NSD1: variants seen among roughly 807,000 people sequenced by gnomAD.
The protein encoded by NSD1 is nuclear receptor binding SET domain protein 1.
Under a neutral mutation model 242.7 loss-of-function variants are expected in NSD1, and 26 were observed. That is an observed-to-expected ratio of 0.11 (90% CI 0.08 to 0.15). The LOEUF (loss-of-function observed/expected upper bound fraction) is 0.15. Ranked by LOEUF, NSD1 falls within the 10% of genes least tolerant of loss-of-function variation. The pLI is 1.00. For synonymous variants in NSD1, 1,106 were observed against 1,178.1 expected (o/e 0.94, Z 1.25); for missense variants, 2,495 against 3,272.8 (o/e 0.76, Z 5.80).
At chr5:177,158,227 A>G (rs1758295312) in intron 2 of NSD1, among the ~76,000 whole-genome samples, 1 of 146,602 alleles carries the variant, frequency 6.8e-6, no homozygotes, top group Non-Finnish European at 1.5e-5. Context: ...TTTAGCCTAT[A>G]TGGGTTCTAA....
At chr5:177,249,779 G>A (rs1270063621) in intron 11 of NSD1, among the ~76,000 whole-genome samples, 4 of 152,122 alleles carry the variant, frequency 2.6e-5, no homozygotes, top group East Asian at 1.9e-4. Flanking sequence ...GAGCCACCAC[G>A]CCCGGCCAGT....
intron 2 of NSD1, among the ~76,000 whole-genome samples, chr5:177,146,783 C>G (rs906310117): frequency 6.6e-6 from 1 of 151,760 alleles, no homozygotes; most frequent in Non-Finnish European, 1.5e-5. Context: ...GCGGCTGGAT[C>G]ACCTGAGGTC....
intron 16 of NSD1, among the ~76,000 whole-genome samples, chr5:177,270,932 A>G (rs1474217109): frequency 6.6e-6 from 1 of 152,196 alleles, no homozygotes; most frequent in African/African-American, 2.4e-5. Context: ...TGCTGTTAGT[A>G]CTAATACTTC....
chr5:177,292,325 G>C (rs554313851), intron 22 of NSD1, among the ~76,000 whole-genome samples, 167 bp downstream of exon 22: 4 of 152,236 alleles, frequency 2.6e-5, no homozygotes, highest in African/African-American at 7.2e-5. Flanking sequence ...CAAAGGCTTA[G>C]AATTCTTAGT....
At chr5:177,140,092 C>T (rs1490039038) in intron 2 of NSD1, among the ~76,000 whole-genome samples, 6 of 152,130 alleles carry the variant, frequency 3.9e-5, no homozygotes, top group Non-Finnish European at 7.4e-5. Context: ...CCTCTTGTCA[C>T]GAATTAGTAG....
intron 2 of NSD1, chr5:177,169,337 C>T (rs1476270644): frequency 6.4e-6 from 1 of 155,636 alleles, no homozygotes; most frequent in Non-Finnish European, 1.4e-5. Flanking sequence ...TGATGAGGCA[C>T]CCACTTATTG....
At position 177,300,182 on chromosome 5, in the gene NSD1, TTACTG is replaced by T. The variant is rs777935232; in HGVS notation, c.*4726_*4730del. On this transcript the variant is annotated 3_prime_UTR_variant, in exon 23 of 23. Coordinates refer to ENST00000439151, the MANE Select transcript of NSD1 (RefSeq NM_022455.5). ...AATTCTTTGTATATAGAAAAAAAAT[TTACTG>T]TAAAGTAAAGTTTAACTTTACTCAT... 5.8e-5 allele frequency: 13 copies of T among 224,764 alleles called. No homozygotes were observed. In the South Asian group the frequency reaches 1.1e-3, roughly 19 times the overall value. The allele number at this position is 224,764 out of a possible 1,614,324, so 13.9% of individuals were successfully genotyped here. A position where few individuals can be genotyped will look rare whatever the true frequency, so the allele number is the denominator to read the frequency against.
At chr5:177,200,124 A>C (rs1762405597) in intron 3 of NSD1, among the ~76,000 whole-genome samples, 1 of 151,820 alleles carries the variant, frequency 6.6e-6, no homozygotes. Flanking sequence ...GTTGAGATAG[A>C]GTCCTGCTCT....
intron 4 of NSD1, among the ~76,000 whole-genome samples, 172 bp downstream of exon 4, chr5:177,204,464 G>A (rs958285381): frequency 1.3e-5 from 2 of 152,094 alleles, no homozygotes; most frequent in African/African-American, 2.4e-5. Context: ...AGTGATTCTC[G>A]TGCTTCAGCC....
intron 18 of NSD1, 23 bp downstream of exon 18, chr5:177,280,857 T>TATA: frequency 6.2e-7 from 1 of 1,613,108 alleles, no homozygotes; most frequent in Non-Finnish European, 8.5e-7. Context: ...TAAATTACCA[T>TATA]ATACTTTCTC....
In NSD1 at chr5:177,299,653, T is replaced by A. The variant is rs1234296695; in HGVS notation, c.*4194T>A. The A allele has an allele frequency of 4.3e-6, 1 of 233,228 alleles. No individual in the cohort carries two copies. Among genetic ancestry groups the A allele is most frequent in the African/African-American group, 2.2e-5 (1 of 45,358 alleles). 14.4% of individuals were successfully genotyped at this position (233,228 alleles called of 1,614,324 possible). A position where few individuals can be genotyped will look rare whatever the true frequency, so the allele number is the denominator to read the frequency against. ...AACCTCGGAAGAAGTGTTTCGAGTT[T>A]AACATGCGCTGTTTCTGCTTATGTG... On this transcript the variant is annotated 3_prime_UTR_variant, in exon 23 of 23. Transcript: ENST00000439151.
At chr5:177,153,004 T>C (rs1274048249) in intron 2 of NSD1, among the ~76,000 whole-genome samples, 1 of 152,082 alleles carries the variant, frequency 6.6e-6, no homozygotes, top group Non-Finnish European at 1.5e-5. Context: ...ATATTTATTC[T>C]TTTTTCCTTT....
intron 9 of NSD1, among the ~76,000 whole-genome samples, chr5:177,245,925 C>T (rs1766248469): frequency 6.6e-6 from 1 of 151,388 alleles, no homozygotes; most frequent in Admixed American, 6.6e-5. Flanking sequence ...GCATGAGCCA[C>T]CCTGCCCAGC....
At chr5:177,292,673 C>T (rs1052242918) in intron 22 of NSD1, among the ~76,000 whole-genome samples, 1 of 152,174 alleles carries the variant, frequency 6.6e-6, no homozygotes, top group Non-Finnish European at 1.5e-5. Context: ...CAGTCTCCCC[C>T]CATGCAGAGT....
At position 177,135,328 on chromosome 5, in the gene NSD1, A is replaced by G. The variant is rs1432805481; in HGVS notation, c.225A>G (p.Leu75=). 2 of 1,612,794 alleles carry G rather than the reference A, an allele frequency of 1.2e-6. No individual in the cohort carries two copies. Among genetic ancestry groups the G allele is most frequent in the Non-Finnish European group, 1.7e-6 (2 of 1,178,914 alleles). ...CTTGTTACATTCCACTGCGGAGACT[A>G]CAGGATTTGGCCTCCATGATCAATG... is the stretch of plus-strand genomic sequence containing the variant. ...SPSCYIPLRR[L]QDLASMINVE... The change falls in exon 2 of 23, where the codon CTA becomes CTG. Residue 75 remains leucine (L), a synonymous_variant. Coordinates refer to ENST00000439151, the MANE Select transcript of NSD1 (RefSeq NM_022455.5).
intron 14 of NSD1, chr5:177,265,402 A>G (rs1757338738): frequency 1.7e-6 from 1 of 602,440 alleles, no homozygotes; most frequent in African/African-American, 1.9e-5. Context: ...GCAGCCATCT[A>G]AAAACATAAG....
rs587784084 is a variant in NSD1 at position 177,210,675 on chromosome 5, C to T, written c.2276C>T (p.Ser759Leu). 1 of 1,614,178 alleles carries T rather than the reference C, an allele frequency of 6.2e-7. No homozygotes were observed. Among genetic ancestry groups the T allele is most frequent in the African/African-American group, 1.3e-5 (1 of 75,034 alleles). Residue 759 changes from serine to leucine, a missense_variant, in exon 5 of 23, where the codon TCA becomes TTA. Ser to Leu is a moderately radical substitution (Grantham distance 145). Around this residue, in one of 19 missense-constraint regions of NSD1, gnomAD observed 515 missense variants for 467.0 expected, o/e 1.10. Coordinates refer to ENST00000439151, the MANE Select transcript of NSD1 (RefSeq NM_022455.5). ...DALSPKFNLSSSISSENSLIK... is the reference protein window; with the variant it reads ...DALSPKFNLSLSISSENSLIK... The stretch of plus-strand genomic sequence containing the variant: ...CTCTCTCCAAAATTCAACCTGTCAT[C>T]AAGCATATCCAGTGAGAACTCGTTA...
intron 2 of NSD1, among the ~76,000 whole-genome samples, chr5:177,175,457 C>G (rs1277358620): frequency 6.6e-6 from 1 of 151,710 alleles, no homozygotes; most frequent in Non-Finnish European, 1.5e-5. Flanking sequence ...AAAACCTCAT[C>G]TCTAAAAAAA....
intron 2 of NSD1, among the ~76,000 whole-genome samples, chr5:177,176,816 G>T (rs185298934): frequency 6.6e-6 from 1 of 152,252 alleles, no homozygotes; most frequent in Admixed American, 6.5e-5. Flanking sequence ...TAGCTCGAGG[G>T]TGTAGTCCAG....
Sources: allele counts gnomAD v4.1 joint callset (sites outside exome capture counted in the v4.1 genomes callset), GRCh38; gene constraint gnomAD v4.1.1; regional missense constraint gnomAD v4.1.1; transcripts MANE v1.5; gene names NCBI Gene and HGNC (gene_info 2026-07-23, HGNC 2026-07-21).